The following LRRC4C variants were observed in gnomAD, a reference collection of about 807,000 sequenced individuals.
LRRC4C encodes the protein leucine rich repeat containing 4C.
Under a neutral mutation model 33.6 loss-of-function variants are expected in LRRC4C, and 5 were observed. That is an observed-to-expected ratio of 0.15 (90% CI 0.08 to 0.31). The LOEUF (loss-of-function observed/expected upper bound fraction) is 0.31, where lower values mean the gene tolerates loss of function less well. Among genes scored for constraint, LRRC4C ranks in the 10% least tolerant of loss-of-function variants. LRRC4C has a pLI of 1.00. For synonymous variants in LRRC4C, 329 were observed against 302.0 expected, an observed-to-expected ratio of 1.09 and a Z score of -0.93; for missense variants, 560 against 796.7, an observed-to-expected ratio of 0.70 and a Z score of 3.58.
intron 1 of LRRC4C, among the ~76,000 whole-genome samples, chr11:41,272,654 G>A (rs1265302255): frequency 6.6e-6 from 1 of 152,146 alleles, no homozygotes; most frequent in Non-Finnish European, 1.5e-5. Context: ...ATACCGAAGC[G>A]ATGTTTTAAA....
At chr11:41,427,608 G>A (rs1405573046) in intron 1 of LRRC4C, among the ~76,000 whole-genome samples, 1 of 152,114 alleles carries the variant, frequency 6.6e-6, no homozygotes, top group Non-Finnish European at 1.5e-5. Context: ...TGACAAGCTT[G>A]ATATGTTTTA....
At chr11:40,780,043 T>C (rs560343415) in intron 2 of LRRC4C, among the ~76,000 whole-genome samples, 1 of 152,290 alleles carries the variant, frequency 6.6e-6, no homozygotes, top group East Asian at 1.9e-4. Context: ...TCTTCATCTT[T>C]AAAATAAGAC....
At chr11:41,095,582 T>G (rs1940759051) in intron 1 of LRRC4C, among the ~76,000 whole-genome samples, 1 of 152,230 alleles carries the variant, frequency 6.6e-6, no homozygotes, top group African/African-American at 2.4e-5. Context: ...CCTGCCTTTT[T>G]CTGAGTGTTC....
intron 1 of LRRC4C, among the ~76,000 whole-genome samples, chr11:40,948,115 A>AT (rs1484392099): frequency 6.6e-6 from 1 of 151,860 alleles, no homozygotes; most frequent in Non-Finnish European, 1.5e-5. Context: ...GGAAGCCTGG[A>AT]TTTTCTCTTA....
chr11:41,340,312 TAAC>T (rs1215297682), intron 1 of LRRC4C, among the ~76,000 whole-genome samples: 1 of 152,216 alleles, frequency 6.6e-6, no homozygotes, highest in African/African-American at 2.4e-5. Context: ...TTAGAAGAAT[TAAC>T]AAGCTAAATC....
chr11:40,701,468 ATATTTT>A (rs1206727454), intron 2 of LRRC4C, among the ~76,000 whole-genome samples: 1 of 151,842 alleles, frequency 6.6e-6, no homozygotes, highest in Non-Finnish European at 1.5e-5. Flanking sequence ...AAAACAATTT[ATATTTT>A]TATTTGTCCT....
At chr11:40,631,861 C>T (rs1963507059) in intron 3 of LRRC4C, among the ~76,000 whole-genome samples, 1 of 152,098 alleles carries the variant, frequency 6.6e-6, no homozygotes, top group Admixed American at 6.5e-5. Context: ...CTGTAATGGT[C>T]TTATTGGCAG....
intron 1 of LRRC4C, among the ~76,000 whole-genome samples, chr11:41,154,880 G>A (rs1185156342): frequency 2.6e-5 from 4 of 152,096 alleles, no homozygotes; most frequent in African/African-American, 7.2e-5. Context: ...TAAATTTGAA[G>A]ATAACTCACT....
At chr11:40,637,414 T>C (rs1031463025) in intron 3 of LRRC4C, among the ~76,000 whole-genome samples, 9 of 152,156 alleles carry the variant, frequency 5.9e-5, no homozygotes, top group Non-Finnish European at 1.2e-4. Context: ...ATAAACAATA[T>C]TTATAGAGTG....
chr11:41,392,139 G>C (rs1953621373), intron 1 of LRRC4C, among the ~76,000 whole-genome samples: 1 of 151,852 alleles, frequency 6.6e-6, no homozygotes, highest in Non-Finnish European at 1.5e-5. Context: ...TAACATGTTT[G>C]CTGTGGAATT....
chr11:40,216,053 G>T (rs1366374128), intron 5 of LRRC4C, among the ~76,000 whole-genome samples: 1 of 152,140 alleles, frequency 6.6e-6, no homozygotes, highest in Non-Finnish European at 1.5e-5. Context: ...AAAGCACAAA[G>T]TTAGGTTCCT....
In LRRC4C at chr11:41,121,764, C is replaced by T. The variant is rs543612444; in HGVS notation, c.-495-188041G>A. Among the ~76,000 whole-genome samples the T allele has an allele frequency of 2.5e-3, 382 of 152,188 alleles. 1 individual carries two copies. Among genetic ancestry groups the T allele is most frequent in the Middle Eastern group, 0.01 (3 of 294 alleles). On this transcript the variant is annotated intron_variant, in intron 1 of 6. Transcript: ENST00000528697. ...CTAGAGGATAAAATAAAAGGGATGA[C>T]CCTGAGAAAAGGAGATGTTAGCTGA...
chr11:40,124,448 T>C (rs1312841087), intron 6 of LRRC4C, among the ~76,000 whole-genome samples: 1 of 152,188 alleles, frequency 6.6e-6, no homozygotes. Context: ...ATGTGGTACA[T>C]ATATACAATG....
chr11:40,753,563 CAG>C (rs1231708200), intron 2 of LRRC4C, among the ~76,000 whole-genome samples: 4 of 131,816 alleles, frequency 3.0e-5, no homozygotes, highest in African/African-American at 1.1e-4. Context: ...TTTTTTGAGA[CAG>C]AGTCTTGCTC....
intron 1 of LRRC4C, among the ~76,000 whole-genome samples, chr11:41,242,006 T>C (rs1948270718): frequency 6.6e-6 from 1 of 152,192 alleles, no homozygotes; most frequent in African/African-American, 2.4e-5. Context: ...TAAGTTTTTT[T>C]TGTATGTGTG....
At chr11:41,200,845 C>G in intron 1 of LRRC4C, among the ~76,000 whole-genome samples, 1 of 152,162 alleles carries the variant, frequency 6.6e-6, no homozygotes, top group Non-Finnish European at 1.5e-5. Context: ...GCTAAGTTAT[C>G]TAAACAGACC....
At chr11:40,608,379 G>C (rs1960855261) in intron 3 of LRRC4C, among the ~76,000 whole-genome samples, 1 of 151,164 alleles carries the variant, frequency 6.6e-6, no homozygotes, top group South Asian at 2.1e-4. Context: ...AATAGCTATA[G>C]AAGACACAAA....
intron 1 of LRRC4C, among the ~76,000 whole-genome samples, chr11:41,267,667 G>T (rs1949194850): frequency 6.6e-6 from 1 of 152,086 alleles, no homozygotes; most frequent in Non-Finnish European, 1.5e-5. Flanking sequence ...AAATGGTGCA[G>T]ATTTGAAACA....
chr11:41,232,145 CA>C (rs1236131379), intron 1 of LRRC4C, among the ~76,000 whole-genome samples: 1 of 151,942 alleles, frequency 6.6e-6, no homozygotes. Flanking sequence ...CATTCTTTTC[CA>C]GGGGAAGTTG....
Sources: gnomAD v4.1 joint callset for allele counts (sites outside exome capture counted in the v4.1 genomes callset) on GRCh38, gnomAD v4.1.1 for gene constraint, MANE v1.5 for transcripts, NCBI Gene and HGNC (gene_info 2026-07-23, HGNC 2026-07-21) for gene names.